Variants in TET3 observed in about 807,000 individuals in gnomAD.
TET3 encodes methylcytosine dioxygenase TET3.
In TET3, 19 loss-of-function variants were observed where a neutral mutation model predicts 141.4. The ratio of observed to expected loss-of-function variants is 0.13; its 90% CI spans 0.09 to 0.20. The LOEUF (loss-of-function observed/expected upper bound fraction) is 0.20. TET3 is among the 10% of genes least tolerant of loss of function. The pLI, the probability that TET3 is intolerant of heterozygous loss-of-function variation, is 1.00. For missense variants in TET3, 1,874 were observed against 2,356.9 expected, an observed-to-expected ratio of 0.80 and a Z score of 4.24; for synonymous variants, 1,043 against 980.9, an observed-to-expected ratio of 1.06 and a Z score of -1.18.
downstream of TET3, among the ~76,000 whole-genome samples, chr2:74,109,802 G>A (rs137986955): frequency 7.7e-4 from 117 of 152,192 alleles, no homozygotes; most frequent in Non-Finnish European, 1.5e-3. Context: ...GATGGGATCC[G>A]GCTCATGCAA....
chr2:73,992,607 C>T (rs1214380884), intron 2 of TET3, among the ~76,000 whole-genome samples: 2 of 152,046 alleles, frequency 1.3e-5, no homozygotes, highest in Non-Finnish European at 2.9e-5. Context: ...AGCCACTGTG[C>T]CCGGCCCTTG....
chr2:73,989,426 G>T (rs1178542184), intron 2 of TET3, among the ~76,000 whole-genome samples: 2 of 152,042 alleles, frequency 1.3e-5, no homozygotes, highest in East Asian at 3.9e-4. Flanking sequence ...CTGACTTTGG[G>T]GCTTCCTTTG....
intron 3 of TET3, among the ~76,000 whole-genome samples, chr2:74,006,312 G>A (rs1685147427): frequency 6.6e-6 from 1 of 152,242 alleles, no homozygotes; most frequent in South Asian, 2.1e-4. Context: ...GTTTGAGGAT[G>A]GAGAGAAAGA....
chr2:73,988,003 C>G (rs879474614), intron 2 of TET3, among the ~76,000 whole-genome samples: 11 of 152,326 alleles, frequency 7.2e-5, no homozygotes, highest in Admixed American at 7.2e-4. Flanking sequence ...CTTGTCTTGT[C>G]CGTGCCTTGT....
At chr2:74,132,476 C>T in the TET3 span, among the ~76,000 whole-genome samples, 1 of 152,228 alleles carries the variant, frequency 6.6e-6, no homozygotes, top group Admixed American at 6.5e-5. Flanking sequence ...CAGCCTCAAA[C>T]TCCTGGGCTC....
intron 3 of TET3, among the ~76,000 whole-genome samples, chr2:74,006,068 C>A (rs1231540985): frequency 7.0e-6 from 1 of 142,446 alleles, no homozygotes; most frequent in Non-Finnish European, 1.5e-5. Flanking sequence ...CCTTCTGTCT[C>A]TCCTTTTGAC....
chr2:74,022,572 A>AT (rs1202147243), intron 3 of TET3, among the ~76,000 whole-genome samples: 5 of 142,964 alleles, frequency 3.5e-5, no homozygotes, highest in Admixed American at 7.0e-5. Flanking sequence ...TCGGTTTATT[A>AT]TTTTTTTTTC....
the TET3 span, among the ~76,000 whole-genome samples, chr2:74,113,279 G>A: frequency 2.6e-5 from 4 of 152,114 alleles, no homozygotes; most frequent in East Asian, 1.9e-4. Flanking sequence ...CCAGCTACTC[G>A]GGAGGCTGAG....
the TET3 span, chr2:74,121,529 T>C: frequency 1.3e-5 from 2 of 152,232 alleles, no homozygotes; most frequent in Non-Finnish European, 2.9e-5. Flanking sequence ...AGGTGCTTGA[T>C]AATAGTCTTT....
At chr2:74,108,499 A>G (rs1406307128), downstream of TET3, among the ~76,000 whole-genome samples, 6 of 151,918 alleles carry the variant, frequency 3.9e-5, no homozygotes, top group Non-Finnish European at 5.9e-5. Context: ...CTCCTACTAA[A>G]ATTAACTTCT....
intron 2 of TET3, among the ~76,000 whole-genome samples, chr2:73,991,409 C>T (rs1484053285): frequency 2.0e-5 from 3 of 151,890 alleles, no homozygotes; most frequent in Non-Finnish European, 2.9e-5. Flanking sequence ...CATGGAGAAA[C>T]CCCATCTCTA....
chr2:73,995,434 G>A (rs867070045), intron 2 of TET3, among the ~76,000 whole-genome samples: 1 of 152,108 alleles, frequency 6.6e-6, no homozygotes, highest in African/African-American at 2.4e-5. Flanking sequence ...AATGTGCAGG[G>A]GTGTGTTTTC....
At chr2:74,052,727 G>A (rs950530996) in intron 4 of TET3, among the ~76,000 whole-genome samples, 1 of 151,950 alleles carries the variant, frequency 6.6e-6, no homozygotes, top group African/African-American at 2.4e-5. Flanking sequence ...AAAATTAGCT[G>A]GGCATGGTGG....
intron 3 of TET3, among the ~76,000 whole-genome samples, chr2:74,012,995 G>T (rs1018959974): frequency 4.1e-5 from 6 of 146,168 alleles, no homozygotes; most frequent in African/African-American, 1.3e-4. Flanking sequence ...TGGTAATGGG[G>T]TGTTTTTTTT....
intron 4 of TET3, among the ~76,000 whole-genome samples, chr2:74,068,347 G>GAA: frequency 6.8e-6 from 1 of 146,936 alleles, no homozygotes; most frequent in East Asian, 2.0e-4. Flanking sequence ...ACACGAACTA[G>GAA]CATCTTATAC....
intron 3 of TET3, among the ~76,000 whole-genome samples, chr2:74,019,328 T>C (rs186996434): frequency 6.6e-6 from 1 of 152,374 alleles, no homozygotes; most frequent in African/African-American, 2.4e-5. Flanking sequence ...TTGTGAAGTT[T>C]CTTCCTAGAT....
chr2:74,101,190 G>C lies in TET3; in HGVS notation c.4402G>C (p.Val1468Leu). ...CTCGTCTGGGGAGAGTCCTGCCATC[G>C]TCCCTGACAAGCTCAGTTCCTTTGG... is the stretch of plus-strand genomic sequence containing the variant. ...VFSSGESPAI[V>L]PDKLSSFGAS... Residue 1468 changes from valine to leucine, a missense_variant, in exon 12 of 12, where the codon GTC becomes CTC. By Grantham distance (32) the Val-to-Leu change is conservative. Transcript: ENST00000409262. This position sits in a 1 kb window ranked among gnomAD's most constrained non-coding sequence, Gnocchi z 8.5. 6.2e-7 allele frequency: 1 copy of C among 1,613,632 alleles called. No individual in the cohort carries two copies. Among genetic ancestry groups the C allele is most frequent in the South Asian group, 1.1e-5 (1 of 91,016 alleles).
intron 4 of TET3, among the ~76,000 whole-genome samples, chr2:74,061,227 C>A (rs1429238235): frequency 2.1e-5 from 3 of 143,744 alleles, no homozygotes; most frequent in Admixed American, 6.8e-5. Context: ...GACGGGGTGG[C>A]TGGCCGGGCG....
intron 3 of TET3, among the ~76,000 whole-genome samples, chr2:74,026,168 G>C (rs780216701): frequency 6.6e-6 from 1 of 151,952 alleles, no homozygotes; most frequent in Non-Finnish European, 1.5e-5. Context: ...CCATTCCCTG[G>C]CTGGTTTGGT....
Sources: allele counts gnomAD v4.1 joint callset (sites outside exome capture counted in the v4.1 genomes callset), GRCh38; gene constraint gnomAD v4.1.1; non-coding constraint Gnocchi (gnomAD v3.1); transcripts MANE v1.5; gene names NCBI Gene and HGNC (gene_info 2026-07-23, HGNC 2026-07-21).